Variants in NHSL1 observed in about 807,000 individuals in gnomAD.
The protein encoded by NHSL1 is NHS like 1.
NHSL1 carries 48 observed loss-of-function variants against 95.0 expected under a neutral mutation model. The observed-to-expected ratio is 0.51, with a 90% confidence interval of 0.40 to 0.64. The LOEUF (loss-of-function observed/expected upper bound fraction) is 0.64, where lower values mean the gene tolerates loss of function less well. NHSL1 is among the 30% of genes least tolerant of loss of function. NHSL1 has a pLI of 0.00. For missense variants in NHSL1, 1,971 were observed against 2,077.7 expected (o/e 0.95, Z 1.00); for synonymous variants, 783 against 833.9 (o/e 0.94, Z 1.05).
chr6:138,601,682 C>T (rs1057482514), intron 1 of NHSL1, among the ~76,000 whole-genome samples: 17 of 151,966 alleles, frequency 1.1e-4, no homozygotes, highest in Non-Finnish European at 2.1e-4. Flanking sequence ...TGTAGTGGCA[C>T]GCACATGTAG....
At chr6:138,663,560 C>CAAA (rs56870354) in intron 1 of NHSL1, among the ~76,000 whole-genome samples, 1 of 95,530 alleles carries the variant, frequency 1.0e-5, no homozygotes. Context: ...AACTCCATCT[C>CAAA]AAAAAAAAAA....
At chr6:138,621,619 T>C (rs1784665489) in intron 1 of NHSL1, among the ~76,000 whole-genome samples, 1 of 152,076 alleles carries the variant, frequency 6.6e-6, no homozygotes, top group Non-Finnish European at 1.5e-5. Context: ...AATACAGGTG[T>C]GTGCCACCAC....
At chr6:138,458,007 G>GAAAAAAA (rs554103437) in intron 3 of NHSL1, among the ~76,000 whole-genome samples, 1 of 96,752 alleles carries the variant, frequency 1.0e-5, no homozygotes, top group Non-Finnish European at 2.2e-5. Flanking sequence ...AACTCCAACT[G>GAAAAAAA]AAAAAAAAAA....
chr6:138,489,248 T>C (rs528986743), intron 2 of NHSL1, among the ~76,000 whole-genome samples: 17 of 152,326 alleles, frequency 1.1e-4, no homozygotes, highest in Non-Finnish European at 1.8e-4. Context: ...AACTTCCACA[T>C]TGAGGGGCAG....
At chr6:138,549,086 A>G (rs370524942), upstream of NHSL1, among the ~76,000 whole-genome samples, 5 of 152,086 alleles carry the variant, frequency 3.3e-5, no homozygotes, top group African/African-American at 1.2e-4. Context: ...CAGTGTCCTA[A>G]TAAGAGAGAA....
At chr6:138,548,737 A>G (rs1330790450), upstream of NHSL1, among the ~76,000 whole-genome samples, 2 of 152,250 alleles carry the variant, frequency 1.3e-5, no homozygotes, top group East Asian at 3.8e-4. Flanking sequence ...ACTATTAGGT[A>G]CATTATGTCA....
At chr6:138,533,927 T>A (rs1285603940) in intron 1 of NHSL1, among the ~76,000 whole-genome samples, 1 of 152,226 alleles carries the variant, frequency 6.6e-6, no homozygotes, top group Non-Finnish European at 1.5e-5. Context: ...GACTCATTTG[T>A]TCTGAATGTT....
At chr6:138,471,815 T>C (rs1778769884) in intron 3 of NHSL1, among the ~76,000 whole-genome samples, 1 of 152,196 alleles carries the variant, frequency 6.6e-6, no homozygotes, top group African/African-American at 2.4e-5. Flanking sequence ...AATCATTCCA[T>C]ATTGTATCAA....
chr6:138,571,474 G>T, intron 1 of NHSL1: 1 of 487,338 alleles, frequency 2.1e-6, no homozygotes, highest in Non-Finnish European at 3.7e-6. Flanking sequence ...AGGCTGCCGA[G>T]AACAAATAAC....
chr6:138,492,081 T>G (rs1780110621), intron 2 of NHSL1, among the ~76,000 whole-genome samples: 1 of 152,156 alleles, frequency 6.6e-6, no homozygotes, highest in Non-Finnish European at 1.5e-5. Context: ...TATCAAAGTC[T>G]CCAGAGACTC....
intron 2 of NHSL1, among the ~76,000 whole-genome samples, chr6:138,482,832 G>C (rs939343656): frequency 6.6e-6 from 1 of 152,140 alleles, no homozygotes; most frequent in Non-Finnish European, 1.5e-5. Context: ...TTACATTCCC[G>C]CCTTCAAGGT....
chr6:138,469,632 G>A (rs1268212524), intron 3 of NHSL1, among the ~76,000 whole-genome samples: 1 of 152,084 alleles, frequency 6.6e-6, no homozygotes, highest in East Asian at 1.9e-4. Flanking sequence ...GGCTGAGGCA[G>A]GAGGATCACT....
intron 7 of NHSL1, among the ~76,000 whole-genome samples, chr6:138,425,269 G>T (rs541139724): frequency 6.4e-4 from 97 of 152,070 alleles, no homozygotes; most frequent in African/African-American, 1.8e-3. Context: ...GCTAATTTTT[G>T]TATTTTTAGT....
At chr6:138,507,060 C>T (rs953331826) in intron 1 of NHSL1, among the ~76,000 whole-genome samples, 2 of 152,146 alleles carry the variant, frequency 1.3e-5, no homozygotes, top group African/African-American at 4.8e-5. Flanking sequence ...GATATTTGAA[C>T]CTTCTATCTT....
intron 7 of NHSL1, among the ~76,000 whole-genome samples, chr6:138,428,486 T>C (rs150342807): frequency 6.6e-6 from 1 of 152,370 alleles, no homozygotes; most frequent in Non-Finnish European, 1.5e-5. Flanking sequence ...TCACTTCTAA[T>C]GAGACTGAAG....
intron 1 of NHSL1, among the ~76,000 whole-genome samples, chr6:138,664,486 A>G (rs1312718387): frequency 1.3e-5 from 2 of 152,242 alleles, no homozygotes; most frequent in African/African-American, 4.8e-5. Flanking sequence ...GGAAAATCAG[A>G]TAACTGCCTG....
At chr6:138,500,170 T>C (rs1477552490), upstream of NHSL1, among the ~76,000 whole-genome samples, 1 of 152,230 alleles carries the variant, frequency 6.6e-6, no homozygotes, top group East Asian at 1.9e-4. Flanking sequence ...AATCTTTATT[T>C]TATATGTAAT....
intron 1 of NHSL1, among the ~76,000 whole-genome samples, chr6:138,525,295 G>A (rs986278082): frequency 6.6e-6 from 1 of 152,154 alleles, no homozygotes. Context: ...GGAAGCCAAA[G>A]TGTACACACT....
intron 1 of NHSL1, among the ~76,000 whole-genome samples, chr6:138,676,646 T>TTTTG (rs749248904): frequency 7.2e-5 from 11 of 152,058 alleles, no homozygotes; most frequent in South Asian, 2.1e-4. Context: ...TGCCTCCACT[T>TTTTG]TTTGTTTGTT....
Sources: gnomAD v4.1 joint callset for allele counts (sites outside exome capture counted in the v4.1 genomes callset) on GRCh38, gnomAD v4.1.1 for gene constraint, MANE v1.5 for transcripts, NCBI Gene and HGNC (gene_info 2026-07-23, HGNC 2026-07-21) for gene names.